The following EYS variants were observed in gnomAD, a reference collection of about 807,000 sequenced individuals.
EYS encodes the protein protein eyes shut homolog.
EYS carries 250 observed loss-of-function variants against 282.1 expected under a neutral mutation model. That is an observed-to-expected ratio of 0.89 (90% CI 0.80 to 0.98). The LOEUF (loss-of-function observed/expected upper bound fraction) is 0.98. EYS is among the 50% of genes least tolerant of loss of function. EYS has a pLI of 0.00. For missense variants in EYS, 4,016 were observed against 3,709.0 expected, an observed-to-expected ratio of 1.08 and a Z score of -2.15; for synonymous variants, 1,355 against 1,282.9, an observed-to-expected ratio of 1.06 and a Z score of -1.20.
chr6:64,697,559 C>T (rs1344881329), intron 22 of EYS, among the ~76,000 whole-genome samples: 1 of 152,166 alleles, frequency 6.6e-6, no homozygotes, highest in African/African-American at 2.4e-5. Flanking sequence ...ATTTACAGAA[C>T]ATTCTACTTT....
At chr6:64,087,041 G>C (rs1411696866) in intron 31 of EYS, among the ~76,000 whole-genome samples, 2 of 152,110 alleles carry the variant, frequency 1.3e-5, no homozygotes, top group Non-Finnish European at 2.9e-5. Flanking sequence ...TATGAATTTG[G>C]ATACCATTAG....
chr6:64,686,761 A>G (rs74222540), intron 22 of EYS, among the ~76,000 whole-genome samples: 2,905 of 18,884 alleles, frequency 0.15, 438 homozygotes, highest in Middle Eastern at 0.39. Flanking sequence ...ATATATATAT[A>G]TGTGTGTATA....
At chr6:64,772,900 ACTT>A (rs145234093) in intron 22 of EYS, among the ~76,000 whole-genome samples, 3,568 of 151,802 alleles carry the variant, frequency 0.024, 137 homozygotes, top group African/African-American at 0.079. Context: ...GTTTCCTCAA[ACTT>A]CTTCTACATG....
intron 28 of EYS, among the ~76,000 whole-genome samples, chr6:64,392,854 G>C (rs1344052128): frequency 2.0e-5 from 3 of 151,642 alleles, no homozygotes; most frequent in Non-Finnish European, 4.4e-5. Flanking sequence ...ATTTTTGAAA[G>C]GATCAACAAA....
intron 19 of EYS, among the ~76,000 whole-genome samples, chr6:64,871,552 C>T (rs1766598534): frequency 6.6e-6 from 1 of 151,934 alleles, no homozygotes; most frequent in African/African-American, 2.4e-5. Flanking sequence ...TCATCTCTTG[C>T]TCTTAGAGAG....
At chr6:65,095,215 C>T (rs1460570929) in intron 12 of EYS, among the ~76,000 whole-genome samples, 5 of 151,012 alleles carry the variant, frequency 3.3e-5, no homozygotes, top group Admixed American at 6.6e-5. Flanking sequence ...AAAAGCCAAA[C>T]CTGCAGAAGT....
chr6:65,163,709 CA>C (rs1378228116), intron 12 of EYS, among the ~76,000 whole-genome samples: 22 of 151,342 alleles, frequency 1.5e-4, no homozygotes, highest in Non-Finnish European at 2.8e-4. Context: ...ATTATTTTTA[CA>C]TTTTTTTAAC....
chr6:65,683,845 C>T (rs181631168), intron 1 of EYS, among the ~76,000 whole-genome samples: 49 of 152,114 alleles, frequency 3.2e-4, no homozygotes, highest in Non-Finnish European at 2.2e-4. Flanking sequence ...AATGTATCCA[C>T]TCCCTCTCTC....
At chr6:65,075,675 C>T (rs755890106) in intron 12 of EYS, among the ~76,000 whole-genome samples, 3 of 151,578 alleles carry the variant, frequency 2.0e-5, no homozygotes, top group Non-Finnish European at 4.4e-5. Context: ...ATACTAGTTC[C>T]TGCATCTATG....
At chr6:63,873,048 C>T (rs1488809092) in intron 35 of EYS, among the ~76,000 whole-genome samples, 2 of 151,884 alleles carry the variant, frequency 1.3e-5, no homozygotes, top group Non-Finnish European at 2.9e-5. Context: ...TACATGTGCA[C>T]ACGTGAAGGT....
intron 22 of EYS, among the ~76,000 whole-genome samples, chr6:64,645,772 T>G (rs1034102560): frequency 2.6e-5 from 4 of 152,306 alleles, no homozygotes; most frequent in African/African-American, 9.6e-5. Context: ...GATTTTTTAA[T>G]TCTCTTTTTT....
chr6:65,354,758 G>A lies in EYS; in HGVS notation c.1300-1141C>T, dbSNP rs112864047. On this transcript the variant is annotated intron_variant, in intron 8 of 42. Coordinates refer to ENST00000503581, the MANE Select transcript of EYS (RefSeq NM_001142800.2). ...CTTGAACCAGGGACGCAGAGATTGC[G>A]GTGAGCTGAGCTGAGATCACACCAC... is the stretch of plus-strand genomic sequence containing the variant. Among the ~76,000 whole-genome samples, 1,478 of 151,934 alleles carry A rather than the reference G, an allele frequency of 9.7e-3. 33 individuals are homozygous for A. The highest frequency in any genetic ancestry group is 0.034 in the African/African-American group (1,392 of 41,432).
chr6:64,415,821 G>C (rs1284582160), intron 28 of EYS, among the ~76,000 whole-genome samples: 2 of 152,144 alleles, frequency 1.3e-5, no homozygotes, highest in Admixed American at 1.3e-4. Flanking sequence ...TCAAGCCTCA[G>C]ACAAATGGTA....
At chr6:65,066,257 G>A (rs1188394530) in intron 12 of EYS, among the ~76,000 whole-genome samples, 1 of 152,194 alleles carries the variant, frequency 6.6e-6, no homozygotes, top group African/African-American at 2.4e-5. Context: ...GATGAAGCCA[G>A]TGAAATTACA....
rs551512108 is a variant in EYS, at chr6:64,764,838, A to C, written c.3443+48540T>G. Among the ~76,000 whole-genome samples the C allele has an allele frequency of 9.2e-5, 14 of 152,282 alleles. No individual in the cohort carries two copies. In the South Asian group the frequency reaches 2.9e-3, roughly 32 times the overall value. ...ACTGCAACCTCGGCCTCCTGGGTTC[A>C]AGTGATTCTCCTGCCTCAGCCTCCC... On this transcript the variant is annotated intron_variant, in intron 22 of 42. Transcript: ENST00000503581.
intron 30 of EYS, among the ~76,000 whole-genome samples, chr6:64,270,189 C>T (rs1767894586): frequency 6.6e-6 from 1 of 152,054 alleles, no homozygotes; most frequent in African/African-American, 2.4e-5. Context: ...TATTTATATG[C>T]ACTACTCTGT....
intron 5 of EYS, among the ~76,000 whole-genome samples, chr6:65,447,549 C>A (rs12190486): frequency 2.6e-5 from 4 of 151,308 alleles, no homozygotes; most frequent in African/African-American, 9.7e-5. Context: ...CATAGATTTA[C>A]TCACTTTTTC....
chr6:65,002,377 A>G (rs1771493352), intron 13 of EYS, among the ~76,000 whole-genome samples: 1 of 143,620 alleles, frequency 7.0e-6, no homozygotes, highest in South Asian at 2.2e-4. Context: ...CAGCAAAAAT[A>G]TGGCATATAG....
At chr6:65,343,109 A>G (rs1484044433) in intron 10 of EYS, among the ~76,000 whole-genome samples, 1 of 151,212 alleles carries the variant, frequency 6.6e-6, no homozygotes, top group Non-Finnish European at 1.5e-5. Flanking sequence ...ACATATATCA[A>G]AATATATTTT....
Sources: gnomAD v4.1 joint callset for allele counts (sites outside exome capture counted in the v4.1 genomes callset) on GRCh38, gnomAD v4.1.1 for gene constraint, MANE v1.5 for transcripts, NCBI Gene and HGNC (gene_info 2026-07-23, HGNC 2026-07-21) for gene names.